The following EFCAB8 variants were observed in gnomAD, a reference collection of about 807,000 sequenced individuals.
EFCAB8 encodes the protein EF-hand calcium binding domain 8.
Under a neutral mutation model 116.3 loss-of-function variants are expected in EFCAB8, and 100 were observed. The observed-to-expected ratio is 0.86, with a 90% CI of 0.73 to 1.02. The LOEUF (loss-of-function observed/expected upper bound fraction) is 1.02, where lower values mean the gene tolerates loss of function less well. EFCAB8 is among the 50% of genes least tolerant of loss of function. The pLI is 0.00. For missense variants in EFCAB8, 1,320 were observed against 1,416.9 expected (o/e 0.93, Z 1.10); for synonymous variants, 558 against 567.9 (o/e 0.98, Z 0.25).
rs898650932 is a variant in EFCAB8, at chr20:32,961,232, C to T, written c.3490C>T (p.Gln1164Ter). The change falls in exon 27 of 27, where the codon CAG becomes TAG. Residue 1164 changes from glutamine to a stop codon, truncating the protein, a stop_gained. Coordinates refer to ENST00000400522, the MANE Select transcript of EFCAB8 (RefSeq NM_001143967.2). LOFTEE classifies it low-confidence loss of function (END_TRUNC). ...LTSRGPDQQD[Q>*]HIRLVAHHVQ... is the part of the protein sequence containing the mutation. The stretch of plus-strand genomic sequence containing the variant: ...CAGCAGGGGCCCAGACCAGCAAGAC[C>T]AGCACATCCGCCTGGTGGCCCACCA... The T allele has an allele frequency of 2.0e-5, 31 of 1,551,730 alleles. No homozygotes were observed. Among genetic ancestry groups the T allele is most frequent in the Middle Eastern group, 1.7e-4 (1 of 6,016 alleles).
In EFCAB8 at chr20:32,917,506, G is replaced by T; in HGVS notation, c.2061+1G>T. The T allele has an allele frequency of 7.3e-7, 1 of 1,365,748 alleles. No homozygotes were observed. 84.6% of individuals were successfully genotyped at this position (1,365,748 alleles called of 1,614,324 possible). A position where few individuals can be genotyped will look rare whatever the true frequency, so the allele number is the denominator to read the frequency against. ...CCCCTCGCCCTTGCAGCCCAAGAGGGTATGTTAACAGGAGCACACTCTCCT... is the reference window on the plus strand; with the variant it reads ...CCCCTCGCCCTTGCAGCCCAAGAGGTTATGTTAACAGGAGCACACTCTCCT... On this transcript the variant is annotated splice_donor_variant, in intron 18 of 26. Transcript: ENST00000400522. LOFTEE classifies it high-confidence loss of function.
intron 23 of EFCAB8, among the ~76,000 whole-genome samples, chr20:32,950,549 T>G (rs976259010): frequency 6.6e-6 from 1 of 152,094 alleles, no homozygotes; most frequent in Non-Finnish European, 1.5e-5. Context: ...GGATTCAGGG[T>G]GGGAGAATTT....
At chr20:32,879,105 C>G (rs1568904467) in intron 5 of EFCAB8, among the ~76,000 whole-genome samples, 1 of 152,234 alleles carries the variant, frequency 6.6e-6, no homozygotes, top group Non-Finnish European at 1.5e-5. Flanking sequence ...GCCCTCTCAG[C>G]CCCCATTCCC....
At chr20:32,937,197 C>A (rs981498789) in intron 22 of EFCAB8, among the ~76,000 whole-genome samples, 2 of 151,998 alleles carry the variant, frequency 1.3e-5, no homozygotes, top group African/African-American at 4.8e-5. Context: ...TCAGGCTGGT[C>A]TCGAACTCCA....
In EFCAB8 at chr20:32,898,510, G is replaced by A; in HGVS notation, c.975G>A (p.Trp325Ter). ...CTTCCCAGGCTCTCCATCCCAACTG[G>A]TGTGAGCAGGTCAAGTTCATCCCCC... The part of the protein sequence containing the change: ...SYRLKALHPN[W>*]CEQVKFIPQM... Residue 325 changes from tryptophan to a stop codon, truncating the protein, a stop_gained, in exon 11 of 27, where the codon TGG becomes TGA. Transcript: ENST00000400522. LOFTEE classifies it high-confidence loss of function. 2.8e-6 allele frequency: 2 copies of A among 718,562 alleles called. No individual in the cohort carries two copies. Among genetic ancestry groups the A allele is most frequent in the Non-Finnish European group, 2.6e-6 (1 of 385,054 alleles). 44.5% of individuals were successfully genotyped at this position (718,562 alleles called of 1,614,324 possible).
intron 3 of EFCAB8, among the ~76,000 whole-genome samples, chr20:32,868,301 G>A (rs1292875050): frequency 9.2e-5 from 14 of 152,160 alleles, no homozygotes; most frequent in African/African-American, 3.1e-4. Flanking sequence ...GGCTCAAGCA[G>A]CGCCTTCTGC....
chr20:32,923,608 G>C (rs183062600), intron 20 of EFCAB8, among the ~76,000 whole-genome samples: 22 of 152,252 alleles, frequency 1.4e-4, no homozygotes, highest in African/African-American at 5.1e-4. Context: ...ATGTGTTGTA[G>C]CCTTCTAGAA....
chr20:32,930,032 C>A (rs1431649551), intron 20 of EFCAB8, among the ~76,000 whole-genome samples: 1 of 152,224 alleles, frequency 6.6e-6, no homozygotes, highest in Non-Finnish European at 1.5e-5. Flanking sequence ...AGTTCCTTCC[C>A]CACATCACTT....
At chr20:32,912,906 C>T (rs368308316) in intron 17 of EFCAB8, 42 bp downstream of exon 17, 49 of 713,228 alleles carry the variant, frequency 6.9e-5, no homozygotes, top group East Asian at 6.7e-4. Flanking sequence ...CCAGTAGCTG[C>T]GTGTTCTCTC....
At chr20:32,948,109 G>A (rs1003955213) in intron 23 of EFCAB8, among the ~76,000 whole-genome samples, 5 of 150,426 alleles carry the variant, frequency 3.3e-5, no homozygotes, top group African/African-American at 1.2e-4. Context: ...AGGAAAAAGA[G>A]AGAGAATACA....
Position 32,885,519 on chromosome 20 carries a change from AG to A in EFCAB8, c.448del (p.Val150TrpfsTer2), listed in dbSNP as rs1212001293. ...MTVVPLNHGC[E>X]VVKVVFLIHR... ...GCCTCCCACAGGAACCATGGCTGTG[AG>A]GTGGTGAAGGTGGTGTTTTTAATCC... On this transcript the variant is annotated frameshift_variant, in exon 6 of 27. Coordinates refer to ENST00000400522, the MANE Select transcript of EFCAB8 (RefSeq NM_001143967.2). LOFTEE classifies it high-confidence loss of function. The A allele has an allele frequency of 6.4e-7, 1 of 1,551,398 alleles. No homozygotes were observed. Among genetic ancestry groups the A allele is most frequent in the African/African-American group, 1.4e-5 (1 of 72,952 alleles).
chr20:32,890,182 A>G (rs1985844139), intron 7 of EFCAB8, among the ~76,000 whole-genome samples: 1 of 152,042 alleles, frequency 6.6e-6, no homozygotes. Flanking sequence ...TGCCGCCTCC[A>G]GTAGTCTCCA....
chr20:32,941,169 T>C (rs112967541), intron 22 of EFCAB8, among the ~76,000 whole-genome samples: 11,436 of 148,810 alleles, frequency 0.077, 1,332 homozygotes, highest in African/African-American at 0.16. Flanking sequence ...GGAGAATCGC[T>C]TGAACCTGGG....
intron 20 of EFCAB8, among the ~76,000 whole-genome samples, chr20:32,923,889 C>G (rs184752737): frequency 6.6e-6 from 1 of 152,096 alleles, no homozygotes; most frequent in Non-Finnish European, 1.5e-5. Context: ...AATGAATACC[C>G]TTGTACATAA....
At chr20:32,859,819 C>T (rs1984010367) in intron 1 of EFCAB8, among the ~76,000 whole-genome samples, 1 of 152,186 alleles carries the variant, frequency 6.6e-6, no homozygotes, top group South Asian at 2.1e-4. Flanking sequence ...AAGCAGAAAA[C>T]ATTAATATGC....
At chr20:32,909,280 A>G (rs1339443030) in intron 14 of EFCAB8, among the ~76,000 whole-genome samples, 1 of 152,236 alleles carries the variant, frequency 6.6e-6, no homozygotes, top group Non-Finnish European at 1.5e-5. Context: ...GCTGAATTAA[A>G]TAGGCCTTTG....
In EFCAB8 at chr20:32,867,730, A is replaced by G; in HGVS notation, c.191A>G (p.Asp64Gly). The G allele has an allele frequency of 6.4e-7, 1 of 1,551,554 alleles. No individual in the cohort carries two copies. Among genetic ancestry groups the G allele is most frequent in the Non-Finnish European group, 8.7e-7 (1 of 1,147,002 alleles). The change falls in exon 3 of 27, where the codon GAC (aspartate) becomes GGC (glycine). Residue 64 changes from aspartate to glycine, a missense_variant. Physicochemically the swap from Asp to Gly is moderately conservative, Grantham distance 94. Coordinates refer to ENST00000400522, the MANE Select transcript of EFCAB8 (RefSeq NM_001143967.2). ...AAGATAGAGAAAATGTTTGAGGAGG[A>G]CATCAACTCGACTGGAGGTAAGGCC... ...LAKIEKMFEE[D>G]INSTGALGMD...
At chr20:32,956,437 T>C (rs1401857830) in intron 23 of EFCAB8, among the ~76,000 whole-genome samples, 1 of 152,182 alleles carries the variant, frequency 6.6e-6, no homozygotes, top group African/African-American at 2.4e-5. Flanking sequence ...TATCTGCCAC[T>C]AATAAATTCT....
Position 32,961,396 on chromosome 20 carries a change from C to T in EFCAB8, c.3654C>T (p.Pro1218=). 3 of 1,458,338 alleles carry T rather than the reference C, an allele frequency of 2.1e-6. No individual in the cohort carries two copies. The highest frequency in any genetic ancestry group is 1.4e-5 in the African/African-American group (1 of 69,952). The allele number at this position is 1,458,338 out of a possible 1,614,324, so 90.3% of individuals were successfully genotyped here. The change falls in exon 27 of 27, where the codon CCC becomes CCT. Residue 1218 remains proline, a synonymous_variant. Transcript: ENST00000400522. ...SASRLLDSSL[P]TFLTPQFSFL... ...CCAGGCTGCTGGACTCCAGCTTGCCCACCTTCCTGACGCCCCAGTTCTCCT... is the reference window on the plus strand; with the variant it reads ...CCAGGCTGCTGGACTCCAGCTTGCCTACCTTCCTGACGCCCCAGTTCTCCT...
Sources: allele counts gnomAD v4.1 joint callset (sites outside exome capture counted in the v4.1 genomes callset), GRCh38; gene constraint gnomAD v4.1.1; transcripts MANE v1.5; gene names NCBI Gene and HGNC (gene_info 2026-07-23, HGNC 2026-07-21).